PRKCB: variants seen among roughly 807,000 people sequenced by gnomAD.
PRKCB encodes the protein protein kinase C beta type.
A neutral mutation model predicts 81.5 loss-of-function variants in PRKCB; 13 were observed. The observed-to-expected ratio is 0.16, with a 90% CI of 0.10 to 0.25. The LOEUF (loss-of-function observed/expected upper bound fraction) is 0.25, where lower values mean the gene tolerates loss of function less well. Among genes scored for constraint, PRKCB ranks in the 10% least tolerant of loss-of-function variants. PRKCB has a pLI of 1.00. For synonymous variants in PRKCB, 335 were observed against 321.4 expected, an observed-to-expected ratio of 1.04 and a Z score of -0.45; for missense variants, 509 against 875.7, an observed-to-expected ratio of 0.58 and a Z score of 5.29.
intron 5 of PRKCB, among the ~76,000 whole-genome samples, chr16:24,081,768 G>A (rs2141893042): frequency 6.6e-6 from 1 of 152,104 alleles, no homozygotes; most frequent in South Asian, 2.1e-4. Context: ...CACCTACTTG[G>A]GAGTAGGCAG....
At chr16:23,914,124 C>T (rs759012712) in intron 2 of PRKCB, among the ~76,000 whole-genome samples, 2 of 152,138 alleles carry the variant, frequency 1.3e-5, no homozygotes, top group Non-Finnish European at 2.9e-5. Flanking sequence ...TTCAGCCTCC[C>T]GAGTTCCTAA....
At chr16:24,174,218 T>C (rs150262580) in intron 11 of PRKCB, 2 of 279,898 alleles carry the variant, frequency 7.1e-6, no homozygotes, top group African/African-American at 4.4e-5. Flanking sequence ...TCTCACTATG[T>C]TGCCCAGCTA....
chr16:23,907,485 C>T (rs973468531), intron 2 of PRKCB, among the ~76,000 whole-genome samples: 5 of 152,328 alleles, frequency 3.3e-5, no homozygotes, highest in Non-Finnish European at 7.3e-5. Flanking sequence ...AGGCTGGTCT[C>T]AAACTGCTGG....
intron 5 of PRKCB, among the ~76,000 whole-genome samples, chr16:24,049,049 T>TTTTTTTTG (rs1194783474): frequency 1.1e-4 from 5 of 45,022 alleles, no homozygotes; most frequent in African/African-American, 3.3e-4. Context: ...ATTGGCCTGT[T>TTTTTTTTG]TTTTTTTTTT....
chr16:24,128,375 A>AAAC (rs61430133), intron 9 of PRKCB, among the ~76,000 whole-genome samples: 3 of 152,050 alleles, frequency 2.0e-5, no homozygotes, highest in African/African-American at 7.2e-5. Flanking sequence ...ACACTGTCTC[A>AAAC]AACAACAACA....
chr16:24,189,370 G>A (rs1567406982), intron 15 of PRKCB, among the ~76,000 whole-genome samples: 1 of 152,144 alleles, frequency 6.6e-6, no homozygotes, highest in Non-Finnish European at 1.5e-5. Context: ...TCGGCGCGGT[G>A]GCTCTTGCCT....
chr16:23,897,251 G>C (rs1963394969), intron 2 of PRKCB, among the ~76,000 whole-genome samples: 2 of 152,152 alleles, frequency 1.3e-5, no homozygotes, highest in South Asian at 4.1e-4. Flanking sequence ...GGACGCAGTG[G>C]GAAAGAGCTG....
intron 2 of PRKCB, among the ~76,000 whole-genome samples, chr16:23,986,936 T>G (rs1190184948): frequency 6.6e-6 from 1 of 152,206 alleles, no homozygotes; most frequent in Non-Finnish European, 1.5e-5. Flanking sequence ...AAGATGTTAA[T>G]GTATCCTCAA....
chr16:24,178,235 C>A (rs1221337737), intron 12 of PRKCB, among the ~76,000 whole-genome samples: 2 of 152,292 alleles, frequency 1.3e-5, no homozygotes, highest in East Asian at 3.9e-4. Flanking sequence ...GATTTACTGA[C>A]CACTGTCTCT....
chr16:23,938,276 C>T (rs1271207540), intron 2 of PRKCB, among the ~76,000 whole-genome samples: 1 of 152,204 alleles, frequency 6.6e-6, no homozygotes, highest in African/African-American at 2.4e-5. Context: ...CTCAGTCAAA[C>T]TGTCACTTAT....
At chr16:23,838,258 A>C (rs939136835) in intron 2 of PRKCB, among the ~76,000 whole-genome samples, 1 of 152,160 alleles carries the variant, frequency 6.6e-6, no homozygotes, top group Non-Finnish European at 1.5e-5. Flanking sequence ...CTAATTTCCA[A>C]CTTTAACTTT....
chr16:24,151,974 T>C (rs578013691), intron 9 of PRKCB: 60 of 448,600 alleles, frequency 1.3e-4, no homozygotes, highest in Middle Eastern at 6.9e-4. Context: ...TGACTGCATC[T>C]GCACTGAAGG....
chr16:24,174,646 T>C, intron 12 of PRKCB, 66 bp downstream of exon 12: 1 of 1,380,650 alleles, frequency 7.2e-7, no homozygotes, highest in Non-Finnish European at 1.0e-6. Context: ...CCTGCCTCTT[T>C]CTTCAGCTGC....
chr16:23,974,872 G>A (rs377261244), intron 2 of PRKCB, among the ~76,000 whole-genome samples: 13 of 152,126 alleles, frequency 8.5e-5, no homozygotes, highest in South Asian at 6.2e-4. Context: ...TGACACCATC[G>A]GGAGGAATCA....
intron 7 of PRKCB, among the ~76,000 whole-genome samples, 179 bp from the exon 8 acceptor site, chr16:24,112,794 T>C (rs1054358983): frequency 2.0e-5 from 3 of 151,870 alleles, no homozygotes; most frequent in African/African-American, 7.2e-5. Context: ...TACCTGGTAG[T>C]GTACCATGCA....
intron 12 of PRKCB, 23 bp from the exon 13 acceptor site, chr16:24,180,767 C>G (rs1193340924): frequency 1.2e-6 from 2 of 1,610,658 alleles, no homozygotes; most frequent in Admixed American, 3.3e-5. Flanking sequence ...AATTAAATCT[C>G]TAAATTCTTG....
intron 2 of PRKCB, among the ~76,000 whole-genome samples, chr16:23,857,964 G>A (rs59790099): frequency 0.21 from 31,671 of 152,046 alleles, 3,482 homozygotes; most frequent in East Asian, 0.33. Context: ...TGTTATTGTT[G>A]CCATTTTATG....
At chr16:23,906,517 T>C (rs1178779256) in intron 2 of PRKCB, among the ~76,000 whole-genome samples, 3 of 152,220 alleles carry the variant, frequency 2.0e-5, no homozygotes, top group Non-Finnish European at 2.9e-5. Flanking sequence ...AAAAAATTCC[T>C]CAGTAGTCAA....
intron 5 of PRKCB, among the ~76,000 whole-genome samples, chr16:24,053,484 A>G (rs1354120865): frequency 6.6e-6 from 1 of 152,234 alleles, no homozygotes; most frequent in Non-Finnish European, 1.5e-5. Flanking sequence ...CTTGGGCTGT[A>G]GTTTGTAGAC....
Sources: allele counts gnomAD v4.1 joint callset (sites outside exome capture counted in the v4.1 genomes callset), GRCh38; gene constraint gnomAD v4.1.1; transcripts MANE v1.5; gene names NCBI Gene and HGNC (gene_info 2026-07-23, HGNC 2026-07-21).